Variants in ADARB2 observed in about 807,000 individuals in gnomAD.
ADARB2 encodes the protein inactive double-stranded RNA-specific editase B2.
In ADARB2, 25 loss-of-function variants were observed where a neutral mutation model predicts 62.2. That is an observed-to-expected ratio of 0.40 (90% CI 0.29 to 0.56). ADARB2 has a LOEUF of 0.56. Ranked by LOEUF, ADARB2 falls within the 20% of genes least tolerant of loss-of-function variation. The pLI is 0.43. For synonymous variants in ADARB2, 572 were observed against 500.8 expected (o/e 1.14, Z -1.90); for missense variants, 1,071 against 1,077.4 (o/e 0.99, Z 0.08).
Position 1,242,410 on chromosome 10 carries a change from A to C in ADARB2, c.1193-111T>G, listed in dbSNP as rs1589163351. ...GTTTCCCTGGGTTAGGAAACCTTGG[A>C]AACACTGCGTTTTGAGAGCTGGGAA... On this transcript the variant is annotated intron_variant, in intron 4 of 9. Coordinates refer to ENST00000381312, the MANE Select transcript of ADARB2 (RefSeq NM_018702.4). 13 of 1,353,856 alleles carry C rather than the reference A, an allele frequency of 9.6e-6. 1 individual carries two copies. In the East Asian group the frequency reaches 3.3e-4, roughly 35 times the overall value. 83.9% of individuals were successfully genotyped at this position (1,353,856 alleles called of 1,614,324 possible). A position where few individuals can be genotyped will look rare whatever the true frequency, so the allele number is the denominator to read the frequency against.
intron 1 of ADARB2, among the ~76,000 whole-genome samples, chr10:1,437,283 T>G (rs4880853): frequency 0.066 from 8,868 of 134,934 alleles, 285 homozygotes; most frequent in East Asian, 0.093. Context: ...TATATATATA[T>G]AGCTAACTTT....
In ADARB2 at chr10:1,448,465, A is replaced by G. The variant is rs559234750; in HGVS notation, c.101-69305T>C. Among the ~76,000 whole-genome samples, 10 of 152,300 alleles carry G rather than the reference A, an allele frequency of 6.6e-5. No individual in the cohort carries two copies. The East Asian group carries it at 1.9e-3, about 29-fold the overall frequency. On this transcript the variant is annotated intron_variant, in intron 1 of 9. Transcript: ENST00000381312. ...CCTATTCAGCATAGAGCTGCTGCCC[A>G]AATCCCTCCTCCTTGGAAGTGCCCA... is the stretch of plus-strand genomic sequence containing the variant.
chr10:1,216,891 G>A, intron 7 of ADARB2, 60 bp downstream of exon 7: 4 of 1,575,518 alleles, frequency 2.5e-6, no homozygotes, highest in Non-Finnish European at 2.6e-6. Context: ...AGGGAGCCTG[G>A]GGCTTGGCAC....
At position 1,229,632 on chromosome 10, in the gene ADARB2, G is replaced by A. The variant is rs561475660; in HGVS notation, c.1513+4062C>T. ...TCATAGTTATATTGATAGATCTGATGCATCAGATACGTGTCGTGTGCTTGT... is the reference window on the plus strand; with the variant it reads ...TCATAGTTATATTGATAGATCTGATACATCAGATACGTGTCGTGTGCTTGT... On this transcript the variant is annotated intron_variant, in intron 6 of 9. Coordinates refer to ENST00000381312, the MANE Select transcript of ADARB2 (RefSeq NM_018702.4). Among the ~76,000 whole-genome samples, 12 of 151,790 alleles carry A rather than the reference G, an allele frequency of 7.9e-5. No homozygotes were observed. The South Asian group carries it at 2.5e-3, about 32-fold the overall frequency.
At chr10:1,675,449 T>C (rs1425333834) in intron 1 of ADARB2, 3 of 974,912 alleles carry the variant, frequency 3.1e-6, no homozygotes, top group African/African-American at 3.8e-5. Flanking sequence ...GGGTTGGAGG[T>C]GCATGGATGT....
intron 4 of ADARB2, among the ~76,000 whole-genome samples, chr10:1,259,332 A>T (rs2131788874): frequency 6.6e-6 from 1 of 152,306 alleles, no homozygotes; most frequent in East Asian, 1.9e-4. Context: ...AGACACAAAA[A>T]ACCTTCAAAA....
In ADARB2 at chr10:1,487,672, G is replaced by A. The variant is rs558324735; in HGVS notation, c.101-108512C>T. 6.6e-5 allele frequency among the ~76,000 whole-genome samples: 10 copies of A among 152,254 alleles called. No individual in the cohort carries two copies. In the South Asian group the frequency reaches 8.3e-4, roughly 13 times the overall value. ...GAAAAGAATATAGACATTTGGGAAC[G>A]GACATGGTTTAGGGAAAAAGTTTAG... On this transcript the variant is annotated intron_variant, in intron 1 of 9. Coordinates refer to ENST00000381312, the MANE Select transcript of ADARB2 (RefSeq NM_018702.4).
rs539209338 is a variant in ADARB2 at position 1,385,195 on chromosome 10, T to C, written c.101-6035A>G. Among the ~76,000 whole-genome samples, 197 of 152,196 alleles carry C rather than the reference T, an allele frequency of 1.3e-3. 1 individual carries two copies. Among genetic ancestry groups the C allele is most frequent in the Admixed American group, 3.3e-3 (50 of 15,284 alleles). On this transcript the variant is annotated intron_variant, in intron 1 of 9. Transcript: ENST00000381312. ...AAGGAACACCGTGAAATCCATATTC[T>C]GAACAACATGGTATCCACAAAGCCC...
At chr10:1,224,781 C>T (rs959617091) in intron 6 of ADARB2, among the ~76,000 whole-genome samples, 6 of 152,166 alleles carry the variant, frequency 3.9e-5, no homozygotes, top group Admixed American at 6.5e-5. Context: ...GTCTGAGAGA[C>T]AGTTTGTTAT....
At chr10:1,606,182 T>G (rs1052812337) in intron 1 of ADARB2, among the ~76,000 whole-genome samples, 2 of 152,224 alleles carry the variant, frequency 1.3e-5, no homozygotes, top group Non-Finnish European at 2.9e-5. Context: ...AGTTTGGGCA[T>G]GCAGCTGGTG....
chr10:1,545,229 A>G (rs1470435593), intron 1 of ADARB2, among the ~76,000 whole-genome samples: 1 of 152,212 alleles, frequency 6.6e-6, no homozygotes, highest in East Asian at 1.9e-4. Context: ...CCACTAGGGA[A>G]TATTTTCAGA....
In ADARB2 at chr10:1,363,827, G is replaced by T. The variant is rs368485422; in HGVS notation, c.278C>A (p.Ala93Glu). 1.9e-6 allele frequency: 3 copies of T among 1,572,440 alleles called. No individual in the cohort carries two copies. The highest frequency in any genetic ancestry group is 1.1e-5 in the South Asian group (1 of 87,810). The change falls in exon 3 of 10, where the codon GCG (alanine) becomes GAG (glutamate). Residue 93 changes from alanine (A) to glutamate (E), a missense_variant. By Grantham distance (107) the Ala-to-Glu change is moderately radical. Coordinates refer to ENST00000381312, the MANE Select transcript of ADARB2 (RefSeq NM_018702.4). ...CGGCCGCTTCCTCTTCGCGCCGGGC[G>T]CGCCGCCCCGGGCCCGGTCCCCGGA... ...PPSGDRARGGAPGAKRKRPLE... is the reference protein window; with the variant it reads ...PPSGDRARGGEPGAKRKRPLE...
chr10:1,413,522 G>T lies in ADARB2; in HGVS notation c.101-34362C>A, dbSNP rs866353731. Among the ~76,000 whole-genome samples, 3 of 152,232 alleles carry T rather than the reference G, an allele frequency of 2.0e-5. No individual in the cohort carries two copies. In the South Asian group the frequency reaches 6.2e-4, roughly 31 times the overall value. ...ATAAATTACAGCTGAAGTGCACACA[G>T]CCTGTGTCGTGCACCTGCTCGGGTC... On this transcript the variant is annotated intron_variant, in intron 1 of 9. Coordinates refer to ENST00000381312, the MANE Select transcript of ADARB2 (RefSeq NM_018702.4).
intron 1 of ADARB2, among the ~76,000 whole-genome samples, chr10:1,414,920 GGATA>G (rs1161566932): frequency 6.6e-6 from 1 of 152,182 alleles, no homozygotes; most frequent in South Asian, 2.1e-4. Context: ...GTGAATGAAT[GGATA>G]GATAGGTGGA....
At chr10:1,364,364 C>T (rs992560260) in intron 2 of ADARB2, among the ~76,000 whole-genome samples, 2 of 152,230 alleles carry the variant, frequency 1.3e-5, no homozygotes, top group East Asian at 1.9e-4. Context: ...GGCCCCCAAA[C>T]TCTACTTCCT....
At chr10:1,431,158 A>G (rs1830774383) in intron 1 of ADARB2, among the ~76,000 whole-genome samples, 1 of 152,210 alleles carries the variant, frequency 6.6e-6, no homozygotes, top group Non-Finnish European at 1.5e-5. Context: ...TTCTTCTGAA[A>G]CACTCATCAA....
At chr10:1,262,494 CAAAAG>C (rs1194487458) in intron 4 of ADARB2, among the ~76,000 whole-genome samples, 1 of 151,956 alleles carries the variant, frequency 6.6e-6, no homozygotes, top group Non-Finnish European at 1.5e-5. Flanking sequence ...AGACACTTCT[CAAAAG>C]AAGACATTTA....
chr10:1,283,183 G>A (rs114124589), intron 3 of ADARB2, among the ~76,000 whole-genome samples: 1,549 of 152,292 alleles, frequency 0.01, 29 homozygotes, highest in African/African-American at 0.035. Flanking sequence ...TTGTATGCTT[G>A]TCTTTCTTTC....
Position 1,217,035 on chromosome 10 carries a change from C to T in ADARB2, c.1598G>A (p.Arg533His), listed in dbSNP as rs137952643. Residue 533 changes from arginine to histidine, a missense_variant, in exon 7 of 10, where the codon CGT becomes CAT. Coordinates refer to ENST00000381312, the MANE Select transcript of ADARB2 (RefSeq NM_018702.4). Reference protein sequence around the residue: ...IESGEGTVPVRGPSAVQTWDG... With the variant: ...IESGEGTVPVHGPSAVQTWDG... ...CCAGGTCTGCACTGCGCTGGGGCCA[C>T]GCACGGGGACCGTCCCTTCCCCGGA... 44 of 1,611,534 alleles carry T rather than the reference C, an allele frequency of 2.7e-5. No homozygotes were observed. Among genetic ancestry groups the T allele is most frequent in the African/African-American group, 2.0e-4 (15 of 75,056 alleles).
Sources: gnomAD v4.1 joint callset for allele counts (sites outside exome capture counted in the v4.1 genomes callset) on GRCh38, gnomAD v4.1.1 for gene constraint, MANE v1.5 for transcripts, NCBI Gene and HGNC (gene_info 2026-07-23, HGNC 2026-07-21) for gene names.